The following SEMA3A variants were observed in gnomAD, a reference collection of about 807,000 sequenced individuals.
The protein encoded by SEMA3A is semaphorin-3A.
SEMA3A carries 29 observed loss-of-function variants against 97.9 expected under a neutral mutation model. The observed-to-expected ratio is 0.30, with a 90% CI of 0.22 to 0.40. The LOEUF is 0.40. Ranked by LOEUF, SEMA3A falls within the 10% of genes least tolerant of loss-of-function variation. The probability of loss-of-function intolerance (pLI) is 1.00; values close to 1 mark genes in which losing one functional copy is unlikely to be tolerated. For missense variants in SEMA3A, 763 were observed against 951.3 expected (o/e 0.80, Z 2.60); for synonymous variants, 321 against 323.7 (o/e 0.99, Z 0.09).
chr7:84,404,402 C>A (rs578124047), intron 1 of SEMA3A, among the ~76,000 whole-genome samples: 29 of 152,146 alleles, frequency 1.9e-4, no homozygotes, highest in African/African-American at 3.1e-4. Flanking sequence ...TGTGAAAAGA[C>A]CAAATCTACG....
intron 4 of SEMA3A, 92 bp downstream of exon 4, chr7:84,110,378 C>G: frequency 6.9e-7 from 1 of 1,455,292 alleles, no homozygotes; most frequent in South Asian, 1.3e-5. Flanking sequence ...AATAGTGAAC[C>G]ACAAGCAAAA....
intron 2 of SEMA3A, among the ~76,000 whole-genome samples, chr7:84,333,104 A>G (rs1801945455): frequency 6.6e-6 from 1 of 152,090 alleles, no homozygotes; most frequent in African/African-American, 2.4e-5. Context: ...AGCATGTCTT[A>G]TATAAGATGT....
chr7:84,076,963 A>C (rs1793972942), intron 4 of SEMA3A, among the ~76,000 whole-genome samples: 1 of 152,146 alleles, frequency 6.6e-6, no homozygotes, highest in Non-Finnish European at 1.5e-5. Context: ...GTGTGTTCAA[A>C]CTTCATGTAG....
At chr7:84,434,092 C>T (rs1405912886) in intron 1 of SEMA3A, among the ~76,000 whole-genome samples, 1 of 152,034 alleles carries the variant, frequency 6.6e-6, no homozygotes, top group Non-Finnish European at 1.5e-5. Flanking sequence ...TGCCATTTGT[C>T]TTGACTTTTC....
intron 1 of SEMA3A, among the ~76,000 whole-genome samples, chr7:84,425,465 A>T (rs1804787781): frequency 7.1e-6 from 1 of 140,110 alleles, no homozygotes; most frequent in East Asian, 2.1e-4. Flanking sequence ...ATATAAATAT[A>T]TACATATATT....
intron 3 of SEMA3A, among the ~76,000 whole-genome samples, chr7:84,203,502 G>GTGTGTATA (rs1348437430): frequency 1.8e-5 from 1 of 56,998 alleles, no homozygotes; most frequent in African/African-American, 7.1e-5. Context: ...TTGTGTGTGT[G>GTGTGTATA]TATATATATA....
At position 84,201,330 on chromosome 7, in the gene SEMA3A, T is replaced by C. The variant is rs569788488; in HGVS notation, c.-82-6662A>G. On this transcript the variant is annotated intron_variant, in intron 3 of 3. Coordinates refer to the SEMA3A transcript ENST00000424555. Reference sequence around the variant, plus strand: ...TAAAGCTCCTTAAAAGGGTTTATTATAATGGCAAAATCAACTGTTTGGTAA... The same window carrying C: ...TAAAGCTCCTTAAAAGGGTTTATTACAATGGCAAAATCAACTGTTTGGTAA... Among the ~76,000 whole-genome samples the C allele has an allele frequency of 2.6e-5, 4 of 152,264 alleles. No individual in the cohort carries two copies. The South Asian group carries it at 8.3e-4, about 32-fold the overall frequency.
At chr7:84,230,965 C>T (rs1051649375) in intron 3 of SEMA3A, among the ~76,000 whole-genome samples, 7 of 151,894 alleles carry the variant, frequency 4.6e-5, no homozygotes, top group African/African-American at 1.4e-4. Flanking sequence ...ACCCCCCAAT[C>T]TTAAGAGTAT....
intron 1 of SEMA3A, among the ~76,000 whole-genome samples, chr7:84,442,462 TA>T (rs1368739369): frequency 6.6e-6 from 1 of 151,812 alleles, no homozygotes; most frequent in Non-Finnish European, 1.5e-5. Flanking sequence ...AGAAGTTAGC[TA>T]AAGAATAAAC....
chr7:84,400,177 A>G (rs1803862473), intron 1 of SEMA3A, among the ~76,000 whole-genome samples: 1 of 152,186 alleles, frequency 6.6e-6, no homozygotes, highest in African/African-American at 2.4e-5. Flanking sequence ...GGACAGTTAC[A>G]AACAAGACCA....
intron 1 of SEMA3A, among the ~76,000 whole-genome samples, chr7:84,149,342 T>A (rs1457195145): frequency 6.6e-6 from 1 of 152,204 alleles, no homozygotes; most frequent in Non-Finnish European, 1.5e-5. Flanking sequence ...TGGGTCATAT[T>A]TAGAAATGTT....
At chr7:84,418,968 T>C (rs1334930788) in intron 1 of SEMA3A, among the ~76,000 whole-genome samples, 1 of 151,440 alleles carries the variant, frequency 6.6e-6, no homozygotes, top group African/African-American at 2.4e-5. Context: ...CACACACACA[T>C]ACATATATAT....
At chr7:84,163,676 T>C (rs1023114895) in intron 1 of SEMA3A, among the ~76,000 whole-genome samples, 1 of 152,150 alleles carries the variant, frequency 6.6e-6, no homozygotes, top group African/African-American at 2.4e-5. Flanking sequence ...TTTTTCTATA[T>C]CCCTACATTT....
At chr7:84,000,439 A>G (rs950560759) in intron 12 of SEMA3A, among the ~76,000 whole-genome samples, 1 of 152,202 alleles carries the variant, frequency 6.6e-6, no homozygotes, top group Non-Finnish European at 1.5e-5. Context: ...GATTAATAGG[A>G]AAGGCTACTG....
chr7:84,477,088 A>ATTTT (rs1806309129), intron 1 of SEMA3A, among the ~76,000 whole-genome samples: 1 of 147,696 alleles, frequency 6.8e-6, no homozygotes, highest in African/African-American at 2.5e-5. Context: ...ATATATATAT[A>ATTTT]TATATTTTTC....
At chr7:83,981,214 T>C (rs1789402827) in intron 14 of SEMA3A, 107 bp downstream of exon 14, 1 of 1,242,276 alleles carries the variant, frequency 8.0e-7, no homozygotes, top group Non-Finnish European at 1.1e-6. Context: ...CAAATCTTTT[T>C]ATTCATTAGA....
chr7:84,405,986 G>A lies in SEMA3A; in HGVS notation c.-245-34086C>T, dbSNP rs548406967. 7.0e-4 allele frequency among the ~76,000 whole-genome samples: 106 copies of A among 152,188 alleles called. 1 individual carries two copies. Among genetic ancestry groups the A allele is most frequent in the African/African-American group, 2.4e-3 (98 of 41,526 alleles). ...TCACACCCTAACAACACAATTAAAA[G>A]AACTAGAGAAGCAAAAGGAAACACA... On this transcript the variant is annotated intron_variant, in intron 1 of 3. Transcript: ENST00000424555.
chr7:84,081,414 A>G (rs768828278), intron 4 of SEMA3A, among the ~76,000 whole-genome samples: 1 of 152,004 alleles, frequency 6.6e-6, no homozygotes, highest in Non-Finnish European at 1.5e-5. Flanking sequence ...AACACGGTGA[A>G]ACCCCGTCTC....
intron 2 of SEMA3A, among the ~76,000 whole-genome samples, chr7:84,351,968 C>T (rs1336575217): frequency 2.6e-5 from 4 of 151,370 alleles, no homozygotes; most frequent in African/African-American, 9.7e-5. Context: ...TTGGAATCAA[C>T]CTAATTGCTC....
Sources: allele counts gnomAD v4.1 joint callset (sites outside exome capture counted in the v4.1 genomes callset), GRCh38; gene constraint gnomAD v4.1.1; transcripts MANE v1.5; gene names NCBI Gene and HGNC (gene_info 2026-07-23, HGNC 2026-07-21).